ZNF578: variants seen among roughly 807,000 people sequenced by gnomAD.
The protein encoded by ZNF578 is zinc finger protein 578, also known as Putative chemokine-related protein B42.
Under a neutral mutation model 8.3 loss-of-function variants are expected in ZNF578, and 8 were observed. The ratio of observed to expected loss-of-function variants is 0.96; its 90% confidence interval spans 0.56 to 1.74. The LOEUF is 1.74. Among genes scored for constraint, ZNF578 ranks in the 40% most tolerant of loss-of-function variants. The probability of loss-of-function intolerance (pLI) is 0.00; values close to 1 mark genes in which losing one functional copy is unlikely to be tolerated. For synonymous variants in ZNF578, 206 were observed against 232.2 expected (o/e 0.89, Z 1.03); for missense variants, 726 against 707.5 (o/e 1.03, Z -0.30).
chr19:52,498,684 C>CTTTTTTTTT (rs72019256), intron 3 of ZNF578, among the ~76,000 whole-genome samples: 2,671 of 106,698 alleles, frequency 0.025, 443 homozygotes, highest in African/African-American at 0.1. Context: ...CGCCTGGCCG[C>CTTTTTTTTT]TTTTTTTTTT....
At chr19:52,483,002 TG>T (rs1338396787) in intron 2 of ZNF578, among the ~76,000 whole-genome samples, 2 of 151,184 alleles carry the variant, frequency 1.3e-5, no homozygotes, top group African/African-American at 4.9e-5. Context: ...CCCATCTACT[TG>T]GGAGGCTGAG....
In ZNF578 at chr19:52,513,337, CTTTTTTTT is replaced by C. The variant is rs11318311; in HGVS notation, c.*1200_*1207del. Among the ~76,000 whole-genome samples, 366 of 101,362 alleles carry C rather than the reference CTTTTTTTT, an allele frequency of 3.6e-3. 1 individual carries two copies. Among genetic ancestry groups the C allele is most frequent in the African/African-American group, 0.012 (344 of 29,754 alleles). The allele number at this position is 101,362 out of a possible 152,430, so 66.5% of individuals were successfully genotyped here. On this transcript the variant is annotated 3_prime_UTR_variant, in exon 6 of 6. Transcript: ENST00000421239. ...GCGCCTGGCATTGTTTCTTCTTTTC[CTTTTTTTT>C]TTTTTTTTTTTTTTTTGAGATAGTA...
intron 2 of ZNF578, among the ~76,000 whole-genome samples, chr19:52,467,557 A>G (rs975410676): frequency 6.6e-6 from 1 of 152,132 alleles, no homozygotes; most frequent in Non-Finnish European, 1.5e-5. Flanking sequence ...TTGAGATGGC[A>G]GTGAGCATGA....
chr19:52,488,390 T>TA (rs1004860641), intron 2 of ZNF578, among the ~76,000 whole-genome samples: 15 of 151,936 alleles, frequency 9.9e-5, no homozygotes, highest in South Asian at 2.1e-4. Context: ...CAATCTCTAC[T>TA]AAAAAAATAC....
In ZNF578 at chr19:52,515,296, A is replaced by G. The variant is rs1993529; in HGVS notation, c.*3142A>G. 3.5e-3 allele frequency among the ~76,000 whole-genome samples: 537 copies of G among 151,988 alleles called. 1 individual carries two copies. Among genetic ancestry groups the G allele is most frequent in the Non-Finnish European group, 5.8e-3 (396 of 67,950 alleles). On this transcript the variant is annotated 3_prime_UTR_variant, in exon 6 of 6. Coordinates refer to ENST00000421239, the MANE Select transcript of ZNF578 (RefSeq NM_001099694.2). Reference sequence around the variant, plus strand: ...TATTCTTGATTGAAATAATTTGCTTATTTCTTAGTTCTACAGCTGACCCTC... The same window carrying G: ...TATTCTTGATTGAAATAATTTGCTTGTTTCTTAGTTCTACAGCTGACCCTC...
In ZNF578 at chr19:52,507,875, C is replaced by A. The variant is rs1396201961; in HGVS notation, c.191-2697C>A. ...GACCAGCCTGACCAACATGGAGAAA[C>A]CACATCTCTACTAAAACTACAAAAT... On this transcript the variant is annotated intron_variant, in intron 5 of 5. Transcript: ENST00000421239. Among the ~76,000 whole-genome samples the A allele has an allele frequency of 2.0e-5, 3 of 152,044 alleles. No individual in the cohort carries two copies. The East Asian group carries it at 5.8e-4, about 29-fold the overall frequency.
intron 3 of ZNF578, among the ~76,000 whole-genome samples, chr19:52,496,578 C>G (rs2059387573): frequency 6.7e-6 from 1 of 149,348 alleles, no homozygotes; most frequent in Non-Finnish European, 1.5e-5. Flanking sequence ...ATCCGCCCGC[C>G]TCAGCCTCCC....
At chr19:52,475,696 T>G (rs58587497) in intron 2 of ZNF578, among the ~76,000 whole-genome samples, 332 of 152,284 alleles carry the variant, frequency 2.2e-3, no homozygotes, top group African/African-American at 7.8e-3. Flanking sequence ...CTGTTGAAAA[T>G]AATTTGAAGT....
chr19:52,483,793 C>T (rs2122852186), intron 2 of ZNF578, among the ~76,000 whole-genome samples: 1 of 152,296 alleles, frequency 6.6e-6, no homozygotes, highest in East Asian at 1.9e-4. Flanking sequence ...CACCCTCCGA[C>T]ACTGTTAGTC....
chr19:52,492,179 AAAAAAAAAAAAG>A (rs2059367700), intron 3 of ZNF578, among the ~76,000 whole-genome samples: 1 of 142,122 alleles, frequency 7.0e-6, no homozygotes, highest in Middle Eastern at 4.2e-3. Flanking sequence ...AAAAAAAAAA[AAAAAAAAAAAAG>A]GGAGGGAGAG....
At chr19:52,463,778 A>C (rs948823169) in intron 2 of ZNF578, among the ~76,000 whole-genome samples, 1 of 152,204 alleles carries the variant, frequency 6.6e-6, no homozygotes, top group African/African-American at 2.4e-5. Context: ...GCTGAGGAAA[A>C]GTTAGTATGG....
chr19:52,508,315 G>A (rs2122976007), intron 5 of ZNF578, among the ~76,000 whole-genome samples: 1 of 151,898 alleles, frequency 6.6e-6, no homozygotes, highest in South Asian at 2.1e-4. Flanking sequence ...CTGCACTCCA[G>A]CCTGGGTGAC....
At chr19:52,493,282 CCTTGT>C (rs1395879888) in intron 3 of ZNF578, among the ~76,000 whole-genome samples, 2 of 152,100 alleles carry the variant, frequency 1.3e-5, no homozygotes, top group African/African-American at 4.8e-5. Flanking sequence ...CAGGTGTCAC[CCTTGT>C]CTTAAGGCGC....
chr19:52,489,391 A>G (rs1252642686), intron 2 of ZNF578, among the ~76,000 whole-genome samples: 3 of 152,092 alleles, frequency 2.0e-5, no homozygotes, highest in African/African-American at 7.2e-5. Flanking sequence ...GGGGTTGGAG[A>G]TCAGCCTGAC....
intron 3 of ZNF578, among the ~76,000 whole-genome samples, 197 bp from the exon 4 acceptor site, chr19:52,501,630 G>C (rs537919948): frequency 1.3e-4 from 20 of 151,700 alleles, no homozygotes; most frequent in Admixed American, 1.2e-3. Context: ...GGAGGGGGGC[G>C]AGATCTGAAG....
intron 3 of ZNF578, 89 bp from the exon 4 acceptor site, chr19:52,501,738 A>G (rs1599910215): frequency 1.5e-6 from 2 of 1,377,338 alleles, no homozygotes; most frequent in East Asian, 2.3e-5. Context: ...TTCTTTGTAC[A>G]GGGTGATGTC....
chr19:52,476,968 T>C (rs1443044746), intron 2 of ZNF578, among the ~76,000 whole-genome samples: 1 of 152,226 alleles, frequency 6.6e-6, no homozygotes, highest in African/African-American at 2.4e-5. Flanking sequence ...CATTTCTCTT[T>C]TCATGGAGAA....
At chr19:52,502,223 C>G (rs147324426) in intron 4 of ZNF578, among the ~76,000 whole-genome samples, 176 of 152,194 alleles carry the variant, frequency 1.2e-3, no homozygotes, top group Middle Eastern at 0.01. Flanking sequence ...GCTGGGCAGC[C>G]TGGATTGTTC....
At chr19:52,475,982 T>C (rs1380100459) in intron 2 of ZNF578, among the ~76,000 whole-genome samples, 1 of 152,184 alleles carries the variant, frequency 6.6e-6, no homozygotes. Context: ...GCTGACATAG[T>C]GTAGGACTGT....
Sources: gnomAD v4.1 joint callset for allele counts (sites outside exome capture counted in the v4.1 genomes callset) on GRCh38, gnomAD v4.1.1 for gene constraint, MANE v1.5 for transcripts, NCBI Gene and HGNC (gene_info 2026-07-23, HGNC 2026-07-21) for gene names.